The following RIPPLY2 variants were observed in gnomAD, a reference collection of about 807,000 sequenced individuals.
The protein encoded by RIPPLY2 is protein ripply2.
A neutral mutation model predicts 17.7 loss-of-function variants in RIPPLY2; 20 were observed. The observed-to-expected ratio is 1.13, with a 90% confidence interval of 0.79 to 1.64. The LOEUF is 1.64. Ranked by LOEUF, RIPPLY2 falls within the 40% of genes most tolerant of loss-of-function variation. The pLI is 0.00. For synonymous variants in RIPPLY2, 69 were observed against 63.9 expected (o/e 1.08, Z -0.38); for missense variants, 213 against 169.8 (o/e 1.25, Z -1.41).
In RIPPLY2 at chr6:83,853,707, C is replaced by T. The variant is rs765556880; in HGVS notation, c.108C>T (p.Phe36=). ...CCCTATCCCGCAGATACGCAGGCTT[C>T]TGGAGACCCTGGGTGGACGCCGGAG... ...RAGADSGYAG[F]WRPWVDAGGK... The change falls in exon 2 of 4, where the codon TTC becomes TTT. Residue 36 remains phenylalanine (F), a synonymous_variant. Coordinates refer to ENST00000369689, the MANE Select transcript of RIPPLY2 (RefSeq NM_001009994.3). 3 of 1,613,814 alleles carry T rather than the reference C, an allele frequency of 1.9e-6. No homozygotes were observed. The highest frequency in any genetic ancestry group is 1.1e-5 in the South Asian group (1 of 91,024).
chr6:83,853,723 G>T lies in RIPPLY2; in HGVS notation c.124G>T (p.Asp42Tyr). 1 of 1,613,808 alleles carries T rather than the reference G, an allele frequency of 6.2e-7. No individual in the cohort carries two copies. Among genetic ancestry groups the T allele is most frequent in the South Asian group, 1.1e-5 (1 of 91,044 alleles). ...GYAGFWRPWVDAGGKKEEETP... is the reference protein window; with the variant it reads ...GYAGFWRPWVYAGGKKEEETP... Reference sequence around the variant, plus strand: ...CGCAGGCTTCTGGAGACCCTGGGTGGACGCCGGAGGCAAGAAAGAAGAGGA... The same window carrying T: ...CGCAGGCTTCTGGAGACCCTGGGTGTACGCCGGAGGCAAGAAAGAAGAGGA... Residue 42 changes from aspartate (D) to tyrosine (Y), a missense_variant, in exon 2 of 4, where the codon GAC becomes TAC. Physicochemically the swap from Asp to Tyr is radical, Grantham distance 160. Coordinates refer to ENST00000369689, the MANE Select transcript of RIPPLY2 (RefSeq NM_001009994.3).
chr6:83,853,668 C>G, intron 1 of RIPPLY2, 27 bp from the exon 2 acceptor site: 2 of 1,606,816 alleles, frequency 1.2e-6, no homozygotes, highest in African/African-American at 1.3e-5. Context: ...GTCTCCTCTG[C>G]GCGCCTTGTG....
intron 3 of RIPPLY2, 118 bp downstream of exon 3, chr6:83,854,279 T>A: frequency 1.2e-6 from 1 of 842,580 alleles, no homozygotes; most frequent in Non-Finnish European, 2.0e-6. Context: ...TCTCTGAAAA[T>A]CTGGCTTCAA....
At position 83,857,337 on chromosome 6, in the gene RIPPLY2, A is replaced by G. The variant is rs752341801; in HGVS notation, c.335A>G (p.Tyr112Cys). Residue 112 changes from tyrosine (Y) to cysteine (C), a missense_variant, in exon 4 of 4, where the codon TAT becomes TGT. Transcript: ENST00000369689. ...CCAATTCAAGCCACAATTTCATTTT[A>G]TGAAGATTCTGATAGCGAAGATGAA... ...NFPIQATISF[Y>C]EDSDSEDEIE... 1.9e-6 allele frequency: 3 copies of G among 1,585,528 alleles called. No individual in the cohort carries two copies. Among genetic ancestry groups the G allele is most frequent in the Non-Finnish European group, 2.6e-6 (3 of 1,170,654 alleles).
Position 83,853,487 on chromosome 6 carries a change from C to A in RIPPLY2, c.71C>A (p.Thr24Lys). 3 of 1,539,420 alleles carry A rather than the reference C, an allele frequency of 1.9e-6. No homozygotes were observed. Among genetic ancestry groups the A allele is most frequent in the Non-Finnish European group, 2.6e-6 (3 of 1,145,460 alleles). Residue 24 changes from threonine (T) to lysine (K), a missense_variant, in exon 1 of 4, where the codon ACG (threonine) becomes AAG (lysine). Thr to Lys is a moderately conservative substitution (Grantham distance 78). Coordinates refer to ENST00000369689, the MANE Select transcript of RIPPLY2 (RefSeq NM_001009994.3). ...GCGTGCGCGGCCACCGACGGCCCTA[C>A]GCGGCGCGCGGGCGCGGACTCCGGG... ...AAACAATDGPTRRAGADSGYA... is the reference protein window; with the variant it reads ...AAACAATDGPKRRAGADSGYA...
intron 1 of RIPPLY2, 21 bp downstream of exon 1, chr6:83,853,532 C>T: frequency 6.5e-7 from 1 of 1,535,834 alleles, no homozygotes; most frequent in Non-Finnish European, 8.7e-7. Flanking sequence ...CCGCGCTGCT[C>T]TGCGCCTCCC....
At chr6:83,854,066 G>T (rs1191625939) in intron 2 of RIPPLY2, 31 bp from the exon 3 acceptor site, 1 of 1,598,112 alleles carries the variant, frequency 6.3e-7, no homozygotes, top group East Asian at 2.2e-5. Flanking sequence ...GGAGGTGGGT[G>T]ATAACTGGAT....
At chr6:83,856,582 T>A (rs1360658523) in intron 3 of RIPPLY2, 1 of 152,218 alleles carries the variant, frequency 6.6e-6, no homozygotes, top group African/African-American at 2.4e-5. Context: ...TTTCTCAACA[T>A]TTCATATGAT....
rs761710483 is a variant in RIPPLY2, at chr6:83,854,151, C to T, written c.229C>T (p.His77Tyr). 7.4e-6 allele frequency: 12 copies of T among 1,613,914 alleles called. 1 individual carries two copies. The Admixed American group carries it at 1.8e-4, about 25-fold the overall frequency. The change falls in exon 3 of 4, where the codon CAC becomes TAC. Residue 77 changes from histidine to tyrosine, a missense_variant. Physicochemically the swap from His to Tyr is moderately conservative, Grantham distance 83. Transcript: ENST00000369689. ...CTCAGGAAAGCTTTACCAATTCAGGCACCCAGTCAGGTGAGTGACAGGCCT... is the reference window on the plus strand; with the variant it reads ...CTCAGGAAAGCTTTACCAATTCAGGTACCCAGTCAGGTGAGTGACAGGCCT... Reference protein sequence around the residue: ...AASGKLYQFRHPVRLFWPKSK... With the variant: ...AASGKLYQFRYPVRLFWPKSK...
Position 83,853,364 on chromosome 6 carries a change from G to A in RIPPLY2, c.-53G>A. The A allele has an allele frequency of 6.8e-7, 1 of 1,467,980 alleles. No individual in the cohort carries two copies. Among genetic ancestry groups the A allele is most frequent in the Non-Finnish European group, 9.2e-7 (1 of 1,087,324 alleles). 90.9% of individuals were successfully genotyped at this position (1,467,980 alleles called of 1,614,324 possible). Reference sequence around the variant, plus strand: ...CTCGGGTCTCGGACCTACTGGAACTGGTCAAGATTGCCCGCGAGCTGGCAG... The same window carrying A: ...CTCGGGTCTCGGACCTACTGGAACTAGTCAAGATTGCCCGCGAGCTGGCAG... On this transcript the variant is annotated 5_prime_UTR_variant, in exon 1 of 4. Transcript: ENST00000369689.
chr6:83,853,832 C>G, intron 2 of RIPPLY2, 59 bp downstream of exon 2: 2 of 1,455,344 alleles, frequency 1.4e-6, no homozygotes, highest in South Asian at 1.2e-5. Context: ...TCGACCAGGG[C>G]TCTCGGGACG....
chr6:83,854,007 C>T, intron 2 of RIPPLY2, 90 bp from the exon 3 acceptor site: 2 of 1,315,044 alleles, frequency 1.5e-6, no homozygotes, highest in Non-Finnish European at 2.2e-6. Flanking sequence ...GGTTACATTC[C>T]CAGCGGGCAC....
At chr6:83,854,479 G>C (rs1038921311) in intron 3 of RIPPLY2, 5 of 358,818 alleles carry the variant, frequency 1.4e-5, no homozygotes, top group South Asian at 4.1e-5. Context: ...ATCCTAAAGG[G>C]TTCGAATGAA....
intron 3 of RIPPLY2, 151 bp from the exon 4 acceptor site, chr6:83,857,091 T>G (rs1276355695): frequency 4.6e-6 from 2 of 435,706 alleles, no homozygotes; most frequent in Non-Finnish European, 8.2e-6. Flanking sequence ...ATGAAGGCTG[T>G]GATAGTAGCA....
chr6:83,853,850 TGA>T, intron 2 of RIPPLY2, 77 bp downstream of exon 2: 2 of 1,323,506 alleles, frequency 1.5e-6, no homozygotes, highest in Non-Finnish European at 1.1e-6. Context: ...ACGCAGGGCC[TGA>T]GAGAGACATG....
intron 2 of RIPPLY2, 56 bp downstream of exon 2, chr6:83,853,829 G>C: frequency 6.8e-7 from 1 of 1,480,962 alleles, no homozygotes; most frequent in Non-Finnish European, 9.3e-7. Flanking sequence ...AGATCGACCA[G>C]GGCTCTCGGG....
Position 83,857,461 on chromosome 6 carries a change from A to G in RIPPLY2, c.*72A>G. 1.1e-6 allele frequency: 1 copy of G among 895,238 alleles called. No individual in the cohort carries two copies. The highest frequency in any genetic ancestry group is 1.6e-6 in the Non-Finnish European group (1 of 633,548). 55.5% of individuals were successfully genotyped at this position (895,238 alleles called of 1,614,324 possible). On this transcript the variant is annotated 3_prime_UTR_variant, in exon 4 of 4. Transcript: ENST00000369689. ...TTTAGTGTACAAATGTATCATAATT[A>G]TTTTAAACTAATTTATTTGTATATA...
At chr6:83,856,162 A>G (rs1230411589) in intron 3 of RIPPLY2, 3 of 152,166 alleles carry the variant, frequency 2.0e-5, no homozygotes, top group Non-Finnish European at 2.9e-5. Context: ...GGTAGGGACC[A>G]TGATTTATTC....
intron 3 of RIPPLY2, 51 bp downstream of exon 3, chr6:83,854,212 G>C: frequency 6.9e-7 from 1 of 1,450,010 alleles, no homozygotes; most frequent in Non-Finnish European, 9.7e-7. Flanking sequence ...CCCCAGGGAG[G>C]AGCCAGGGGC....
Sources: allele counts gnomAD v4.1 joint callset, GRCh38; gene constraint gnomAD v4.1.1; transcripts MANE v1.5; gene names NCBI Gene and HGNC (gene_info 2026-07-23, HGNC 2026-07-21).